The following FBXO48 variants were observed in gnomAD, a reference collection of about 807,000 sequenced individuals.
The protein encoded by FBXO48 is F-box only protein 48.
In FBXO48, 12 loss-of-function variants were observed where a neutral mutation model predicts 14.3. The ratio of observed to expected loss-of-function variants is 0.84; its 90% CI spans 0.54 to 1.36. The LOEUF is 1.36. Among genes scored for constraint, FBXO48 ranks in the 40% most tolerant of loss-of-function variants. FBXO48 has a pLI of 0.00. For synonymous variants in FBXO48, 53 were observed against 61.7 expected, an observed-to-expected ratio of 0.86 and a Z score of 0.66; for missense variants, 177 against 179.1, an observed-to-expected ratio of 0.99 and a Z score of 0.07.
At chr2:68,464,709 C>T in intron 3 of FBXO48, 131 bp downstream of exon 3, 2 of 694,494 alleles carry the variant, frequency 2.9e-6, no homozygotes, top group South Asian at 3.8e-5. Flanking sequence ...AACTCATTTC[C>T]AAGAGTCAAC....
intron 2 of FBXO48, among the ~76,000 whole-genome samples, 179 bp downstream of exon 2, chr2:68,465,965 G>A (rs1675399032): frequency 6.6e-6 from 1 of 152,212 alleles, no homozygotes; most frequent in Non-Finnish European, 1.5e-5. Context: ...CATAAGAGTA[G>A]TGTTTTAGAA....
rs924091180 is a variant in FBXO48 at position 68,462,235 on chromosome 2, A to G, written c.*1974T>C. The G allele has an allele frequency of 3.3e-5, 5 of 152,272 alleles. No individual in the cohort carries two copies. Among genetic ancestry groups the G allele is most frequent in the African/African-American group, 9.6e-5 (4 of 41,456 alleles). 9.4% of individuals were successfully genotyped at this position (152,272 alleles called of 1,614,324 possible). A position where few individuals can be genotyped will look rare whatever the true frequency, so the allele number is the denominator to read the frequency against. On this transcript the variant is annotated 3_prime_UTR_variant, in exon 4 of 4. Coordinates refer to ENST00000377957, the MANE Select transcript of FBXO48 (RefSeq NM_001024680.3). ...AAAAAACAGCTAAAAATATATGTGT[A>G]CATTTACTATTGTACACAGATGCTA...
In FBXO48 at chr2:68,461,094, T is replaced by C. The variant is rs148715938; in HGVS notation, c.*3115A>G. On this transcript the variant is annotated 3_prime_UTR_variant, in exon 4 of 4. Coordinates refer to ENST00000377957, the MANE Select transcript of FBXO48 (RefSeq NM_001024680.3). ...AATGTAAGCCACAAATAATACATAT[T>C]TGAAAAATGGGCAACGAAACCACAT... 9.2e-5 allele frequency: 14 copies of C among 152,182 alleles called. No homozygotes were observed. In the East Asian group the frequency reaches 9.7e-4, roughly 11 times the overall value. 9.4% of individuals were successfully genotyped at this position (152,182 alleles called of 1,614,324 possible).
In FBXO48 at chr2:68,461,292, T is replaced by TTTTTTTC. The variant is rs1675257538; in HGVS notation, c.*2916_*2917insGAAAAAA. 2 of 140,910 alleles carry TTTTTTTC rather than the reference T, an allele frequency of 1.4e-5. No homozygotes were observed. Among genetic ancestry groups the TTTTTTTC allele is most frequent in the African/African-American group, 5.8e-5 (2 of 34,372 alleles). 8.7% of individuals were successfully genotyped at this position (140,910 alleles called of 1,614,324 possible). A position where few individuals can be genotyped will look rare whatever the true frequency, so the allele number is the denominator to read the frequency against. ...TTAAGATCCGTTTTCGTTTTCTTTT[T>TTTTTTTC]TTTTTTTTTTTTTTTGAGACGGAGT... On this transcript the variant is annotated 3_prime_UTR_variant, in exon 4 of 4. Transcript: ENST00000377957.
At position 68,464,905 on chromosome 2, in the gene FBXO48, T is replaced by A. The variant is rs773448216; in HGVS notation, c.241A>T (p.Met81Leu). 14 of 1,613,916 alleles carry A rather than the reference T, an allele frequency of 8.7e-6. No homozygotes were observed. The highest frequency in any genetic ancestry group is 5.0e-5 in the Admixed American group (3 of 60,024). ...NSDSLWKPHC[M>L]TVRAVCRREI... ...CTTCGGCACACAGCTCTTACAGTCATGCAGTGAGGTTTCCATAAAGAGTCA... is the reference window on the plus strand; with the variant it reads ...CTTCGGCACACAGCTCTTACAGTCAAGCAGTGAGGTTTCCATAAAGAGTCA... Residue 81 changes from methionine (M) to leucine (L), a missense_variant, in exon 3 of 4, where the codon ATG becomes TTG. Physicochemically the swap from Met to Leu is conservative, Grantham distance 15. Transcript: ENST00000377957.
chr2:68,463,652 C>T lies in FBXO48; in HGVS notation c.*557G>A, dbSNP rs1009514472. ...AACTTTAGCCCTGAGATGACATTAA[C>T]TTAAAACTAAACCACAGGCTTAACA... On this transcript the variant is annotated 3_prime_UTR_variant, in exon 4 of 4. Transcript: ENST00000377957. 3 of 152,184 alleles carry T rather than the reference C, an allele frequency of 2.0e-5. No individual in the cohort carries two copies. The highest frequency in any genetic ancestry group is 7.2e-5 in the African/African-American group (3 of 41,434). The allele number at this position is 152,184 out of a possible 1,614,324, so 9.4% of individuals were successfully genotyped here. A position where few individuals can be genotyped will look rare whatever the true frequency, so the allele number is the denominator to read the frequency against.
In FBXO48 at chr2:68,462,399, C is replaced by G. The variant is rs1201580613; in HGVS notation, c.*1810G>C. ...TGAGACGAAGTTTCACTCTTGTTGC[C>G]CAGGCTGGAGCGCAGTGGCGTGATC... On this transcript the variant is annotated 3_prime_UTR_variant, in exon 4 of 4. Coordinates refer to ENST00000377957, the MANE Select transcript of FBXO48 (RefSeq NM_001024680.3). The G allele has an allele frequency of 6.6e-6, 1 of 152,056 alleles. No homozygotes were observed. The highest frequency in any genetic ancestry group is 1.5e-5 in the Non-Finnish European group (1 of 68,040). The allele number at this position is 152,056 out of a possible 1,614,324, so 9.4% of individuals were successfully genotyped here.
rs1675371194 is a variant in FBXO48, at chr2:68,465,205, A to G, written c.-33-27T>C. 3.4e-6 allele frequency: 4 copies of G among 1,190,822 alleles called. No individual in the cohort carries two copies. The East Asian group carries it at 9.6e-5, about 29-fold the overall frequency. 73.8% of individuals were successfully genotyped at this position (1,190,822 alleles called of 1,614,324 possible). On this transcript the variant is annotated intron_variant, in intron 2 of 3. Coordinates refer to ENST00000377957, the MANE Select transcript of FBXO48 (RefSeq NM_001024680.3). The stretch of plus-strand genomic sequence containing the variant: ...TAAAAGGCAAAATTTAAACATGCTC[A>G]GTCTCCAAATAGGAGTATAAATCCT...
In FBXO48 at chr2:68,464,341, A is replaced by G. The variant is rs146033276; in HGVS notation, c.336T>C (p.Ser112=). Reference sequence around the variant, plus strand: ...CACTTAGCCATTCGTGTTTCACTTTACTCTTCTGGTAATTCCTCAGCAGTA... The same window carrying G: ...CACTTAGCCATTCGTGTTTCACTTTGCTCTTCTGGTAATTCCTCAGCAGTA... ...RVILLRNYQK[S]KVKHEWLSGR... The change falls in exon 4 of 4, where the codon AGT becomes AGC. Residue 112 remains serine (S), a synonymous_variant. Coordinates refer to ENST00000377957, the MANE Select transcript of FBXO48 (RefSeq NM_001024680.3). 8.7e-6 allele frequency: 14 copies of G among 1,613,520 alleles called. No individual in the cohort carries two copies. Among genetic ancestry groups the G allele is most frequent in the Non-Finnish European group, 1.1e-5 (13 of 1,179,912 alleles).
chr2:68,465,110 T>C lies in FBXO48; in HGVS notation c.36A>G (p.Arg12=). 1 of 1,610,890 alleles carries C rather than the reference T, an allele frequency of 6.2e-7. No homozygotes were observed. The highest frequency in any genetic ancestry group is 8.5e-7 in the Non-Finnish European group (1 of 1,178,290). Reference sequence around the variant, plus strand: ...CAGAGTTCGCTTCTGTGTGAGAAACTCTTAAATTATTGTTTCTCTTGGAGT... The same window carrying C: ...CAGAGTTCGCTTCTGTGTGAGAAACCCTTAAATTATTGTTTCTCTTGGAGT... ...HKNSKRNNNL[R]VSHTEANSVD... Residue 12 remains arginine (R), a synonymous_variant, in exon 3 of 4, where the codon AGA becomes AGG. Transcript: ENST00000377957.
rs1675342377 is a variant in FBXO48 at position 68,464,380 on chromosome 2, G to A, written c.307-10C>T. On this transcript the variant is annotated splice_polypyrimidine_tract_variant and intron_variant, in intron 3 of 3. Coordinates refer to ENST00000377957, the MANE Select transcript of FBXO48 (RefSeq NM_001024680.3). ...TCCTCAGCAGTATCACCTGAAAGAGGTAAATCACCGTTAAAAAAGACTGTA... is the reference window on the plus strand; with the variant it reads ...TCCTCAGCAGTATCACCTGAAAGAGATAAATCACCGTTAAAAAAGACTGTA... 6.2e-7 allele frequency: 1 copy of A among 1,612,408 alleles called. No homozygotes were observed. The highest frequency in any genetic ancestry group is 8.5e-7 in the Non-Finnish European group (1 of 1,179,170).
At position 68,462,108 on chromosome 2, in the gene FBXO48, G is replaced by GA. The variant is rs1181046551; in HGVS notation, c.*2100dup. 6.6e-6 allele frequency: 1 copy of GA among 152,088 alleles called. No individual in the cohort carries two copies. Among genetic ancestry groups the GA allele is most frequent in the African/African-American group, 2.4e-5 (1 of 41,398 alleles). 9.4% of individuals were successfully genotyped at this position (152,088 alleles called of 1,614,324 possible). A position where few individuals can be genotyped will look rare whatever the true frequency, so the allele number is the denominator to read the frequency against. On this transcript the variant is annotated 3_prime_UTR_variant, in exon 4 of 4. Transcript: ENST00000377957. ...CCAAAAAAAACCACACACTTGGTTGGAAGTGAGAAGGGTGAGTCTCCCTAA... is the reference window on the plus strand; with the variant it reads ...CCAAAAAAAACCACACACTTGGTTGGAAAGTGAGAAGGGTGAGTCTCCCTAA...
At chr2:68,465,622 C>A (rs1675387206) in intron 2 of FBXO48, among the ~76,000 whole-genome samples, 1 of 151,958 alleles carries the variant, frequency 6.6e-6, no homozygotes, top group Admixed American at 6.6e-5. Context: ...GAACTCTTGT[C>A]CTCAAGCAAT....
rs1195053666 is a variant in FBXO48 at position 68,459,892 on chromosome 2, G to C, written c.*4317C>G. On this transcript the variant is annotated 3_prime_UTR_variant, in exon 4 of 4. Transcript: ENST00000377957. ...TCCAGAACAGTAGAAGTTATGGATT[G>C]TTTCCAGGCCAAGATGATAAGTTTT... 1 of 152,146 alleles carries C rather than the reference G, an allele frequency of 6.6e-6. No individual in the cohort carries two copies. Among genetic ancestry groups the C allele is most frequent in the South Asian group, 2.1e-4 (1 of 4,832 alleles). The allele number at this position is 152,146 out of a possible 1,614,324, so 9.4% of individuals were successfully genotyped here.
chr2:68,465,513 G>T lies in FBXO48; in HGVS notation c.-33-335C>A, dbSNP rs1054575424. On this transcript the variant is annotated intron_variant, in intron 2 of 3. Coordinates refer to ENST00000377957, the MANE Select transcript of FBXO48 (RefSeq NM_001024680.3). ...CGATTCTCTTGACTCAGCGTACCCC[G>T]CCCCTCTTTAAAAAAAAAAAAAAGA... 3.0e-3 allele frequency among the ~76,000 whole-genome samples: 380 copies of T among 128,522 alleles called. 3 individuals carry two copies. The highest frequency in any genetic ancestry group is 4.8e-3 in the Non-Finnish European group (304 of 62,918). 84.3% of individuals were successfully genotyped at this position (128,522 alleles called of 152,430 possible). A position where few individuals can be genotyped will look rare whatever the true frequency, so the allele number is the denominator to read the frequency against.
At position 68,463,872 on chromosome 2, in the gene FBXO48, GAA is replaced by G. The variant is rs2103852623; in HGVS notation, c.*335_*336del. 5.7e-6 allele frequency: 1 copy of G among 174,248 alleles called. No homozygotes were observed. The highest frequency in any genetic ancestry group is 2.4e-5 in the African/African-American group (1 of 42,000). 10.8% of individuals were successfully genotyped at this position (174,248 alleles called of 1,614,324 possible). On this transcript the variant is annotated 3_prime_UTR_variant, in exon 4 of 4. Coordinates refer to ENST00000377957, the MANE Select transcript of FBXO48 (RefSeq NM_001024680.3). ...GTTTAAAGTGGCTTCCTGAAATTTT[GAA>G]TTATCATTAAGCTGAACATACAAAT...
chr2:68,466,095 A>T (rs551552104), intron 2 of FBXO48, 49 bp downstream of exon 2: 91 of 152,374 alleles, frequency 6.0e-4, no homozygotes, highest in African/African-American at 2.2e-3. Flanking sequence ...TAGGTACAGT[A>T]TGTGACTCTT....
chr2:68,464,839 C>T lies in FBXO48; in HGVS notation c.306+1G>A. The T allele has an allele frequency of 6.2e-7, 1 of 1,604,746 alleles. No homozygotes were observed. The highest frequency in any genetic ancestry group is 2.2e-5 in the East Asian group (1 of 44,758). On this transcript the variant is annotated splice_donor_variant, in intron 3 of 3. Coordinates refer to ENST00000377957, the MANE Select transcript of FBXO48 (RefSeq NM_001024680.3). LOFTEE classifies it high-confidence loss of function. ...CTGCAGATCGCAAAGATTAAACTTA[C>T]CCTCCAGGAATAACCACTTTCTAGA...
rs1282337969 is a variant in FBXO48 at position 68,464,061 on chromosome 2, T to C, written c.*148A>G. 1.4e-6 allele frequency: 1 copy of C among 732,138 alleles called. No homozygotes were observed. Among genetic ancestry groups the C allele is most frequent in the African/African-American group, 1.8e-5 (1 of 57,108 alleles). 45.4% of individuals were successfully genotyped at this position (732,138 alleles called of 1,614,324 possible). On this transcript the variant is annotated 3_prime_UTR_variant, in exon 4 of 4. Transcript: ENST00000377957. ...ATTTTACTAAAGTGCAAAACAAAAA[T>C]AAAGCTTTACTTTTATAATAGTTCC...
Sources: allele counts gnomAD v4.1 joint callset (sites outside exome capture counted in the v4.1 genomes callset), GRCh38; gene constraint gnomAD v4.1.1; transcripts MANE v1.5; gene names NCBI Gene and HGNC (gene_info 2026-07-23, HGNC 2026-07-21).